Variants in CMKLR1 observed in about 807,000 individuals in gnomAD.
CMKLR1 encodes chemerin-like receptor 1.
In CMKLR1, 6 loss-of-function variants were observed where a neutral mutation model predicts 8.2. The ratio of observed to expected loss-of-function variants is 0.73; its 90% CI spans 0.40 to 1.44. CMKLR1 has a LOEUF of 1.44. Ranked by LOEUF, CMKLR1 falls within the 40% of genes most tolerant of loss-of-function variation. The pLI is 0.02. For synonymous variants in CMKLR1, 178 were observed against 181.2 expected (o/e 0.98, Z 0.14); for missense variants, 429 against 478.0 (o/e 0.90, Z 0.96).
intron 2 of CMKLR1, among the ~76,000 whole-genome samples, chr12:108,320,953 C>A (rs1417345943): frequency 6.6e-6 from 1 of 152,222 alleles, no homozygotes; most frequent in Non-Finnish European, 1.5e-5. Context: ...TAGTCTGGGT[C>A]CTCTTCACTA....
intron 2 of CMKLR1, among the ~76,000 whole-genome samples, chr12:108,326,997 C>A (rs1352582203): frequency 6.6e-6 from 1 of 151,812 alleles, no homozygotes; most frequent in African/African-American, 2.4e-5. Flanking sequence ...AAAACTGAGG[C>A]TGAGAGAGAG....
rs989973602 is a variant in CMKLR1, at chr12:108,288,720, A to G, written c.*3121T>C. On this transcript the variant is annotated 3_prime_UTR_variant, in exon 4 of 4. Transcript: ENST00000550402. Reference sequence around the variant, plus strand: ...TTGCTGGCTCAAGGGTCAGCTGGAGATGGTTCTGAAATCAAATTCCTCCCA... The same window carrying G: ...TTGCTGGCTCAAGGGTCAGCTGGAGGTGGTTCTGAAATCAAATTCCTCCCA... 4 of 152,020 alleles carry G rather than the reference A, an allele frequency of 2.6e-5. No individual in the cohort carries two copies. The highest frequency in any genetic ancestry group is 9.7e-5 in the African/African-American group (4 of 41,334). The allele number at this position is 152,020 out of a possible 1,614,324, so 9.4% of individuals were successfully genotyped here.
At chr12:108,310,920 C>T (rs760281547) in intron 2 of CMKLR1, among the ~76,000 whole-genome samples, 2 of 152,068 alleles carry the variant, frequency 1.3e-5, no homozygotes, top group Non-Finnish European at 1.5e-5. Context: ...TCCCAGGACA[C>T]GTGTGTGAGG....
At position 108,289,662 on chromosome 12, in the gene CMKLR1, G is replaced by A. The variant is rs1384061714; in HGVS notation, c.*2179C>T. The A allele has an allele frequency of 1.3e-5, 2 of 152,266 alleles. No homozygotes were observed. The highest frequency in any genetic ancestry group is 4.8e-5 in the African/African-American group (2 of 41,460). The allele number at this position is 152,266 out of a possible 1,614,324, so 9.4% of individuals were successfully genotyped here. On this transcript the variant is annotated 3_prime_UTR_variant, in exon 4 of 4. Coordinates refer to ENST00000550402, the MANE Select transcript of CMKLR1 (RefSeq NM_001142343.2). ...CATCCCATCTCGTGCCTCAGTAAAT[G>A]TGGGAAGAGGGGAGATGGGGGCCAC...
chr12:108,296,977 G>C (rs1891154488), intron 2 of CMKLR1, among the ~76,000 whole-genome samples: 2 of 152,200 alleles, frequency 1.3e-5, no homozygotes, highest in South Asian at 4.1e-4. Context: ...ATTATAAAGA[G>C]CTGTAAAATT....
In CMKLR1 at chr12:108,297,531, G is replaced by A. The variant is rs148096325; in HGVS notation, c.-73-3867C>T. Among the ~76,000 whole-genome samples, 1,194 of 152,216 alleles carry A rather than the reference G, an allele frequency of 7.8e-3. 8 individuals carry two copies. Among genetic ancestry groups the A allele is most frequent in the Non-Finnish European group, 0.012 (790 of 68,002 alleles). On this transcript the variant is annotated intron_variant, in intron 2 of 3. Transcript: ENST00000550402. The stretch of plus-strand genomic sequence containing the variant: ...TAATATGTACATACATATAGTTAAC[G>A]TTTGCTTGATCTCTCACTGTATGTG...
chr12:108,310,331 C>T (rs773958973), intron 2 of CMKLR1, among the ~76,000 whole-genome samples: 45 of 152,074 alleles, frequency 3.0e-4, no homozygotes, highest in Non-Finnish European at 5.3e-4. Flanking sequence ...AGGGTATCAT[C>T]CTTCTAAAAA....
chr12:108,335,919 A>T (rs566040830), intron 1 of CMKLR1, among the ~76,000 whole-genome samples: 4 of 152,340 alleles, frequency 2.6e-5, no homozygotes, highest in African/African-American at 9.6e-5. Flanking sequence ...ATGCTGGGGG[A>T]TTGCTAACAC....
intron 2 of CMKLR1, among the ~76,000 whole-genome samples, chr12:108,303,359 TCTC>T (rs1401951205): frequency 6.6e-6 from 1 of 152,146 alleles, no homozygotes; most frequent in African/African-American, 2.4e-5. Flanking sequence ...ACATCTGGCT[TCTC>T]CTGCCATGCA....
At chr12:108,307,834 C>T (rs1040740185) in intron 2 of CMKLR1, among the ~76,000 whole-genome samples, 1 of 152,204 alleles carries the variant, frequency 6.6e-6, no homozygotes, top group Admixed American at 6.5e-5. Context: ...CTGCTCTCCA[C>T]ACCTCCAAGT....
chr12:108,291,985 G>A lies in CMKLR1; in HGVS notation c.978C>T (p.Phe326=). 6.2e-7 allele frequency: 1 copy of A among 1,614,158 alleles called. No individual in the cohort carries two copies. The highest frequency in any genetic ancestry group is 8.5e-7 in the Non-Finnish European group (1 of 1,180,038). Residue 326 remains phenylalanine (F), a synonymous_variant, in exon 4 of 4, where the codon TTC becomes TTT. Transcript: ENST00000550402. ...CCAGGCGAGAGAAGAGGGCCACCTT[G>A]AACTTCTTGAAGTCCTGACCCATGA... The part of the protein sequence containing the change: ...YVFMGQDFKK[F]KVALFSRLVN...
intron 2 of CMKLR1, among the ~76,000 whole-genome samples, chr12:108,328,235 G>A (rs1892028154): frequency 2.0e-5 from 3 of 152,188 alleles, no homozygotes; most frequent in African/African-American, 7.2e-5. Flanking sequence ...AGTCGAAAGG[G>A]AAAAGCCTGG....
chr12:108,332,801 T>A (rs1312536576), intron 1 of CMKLR1, among the ~76,000 whole-genome samples: 1 of 152,072 alleles, frequency 6.6e-6, no homozygotes, highest in African/African-American at 2.4e-5. Flanking sequence ...CCCTGACTAA[T>A]ACATCCTGTC....
intron 1 of CMKLR1, among the ~76,000 whole-genome samples, chr12:108,336,932 A>G (rs1010135368): frequency 6.6e-6 from 1 of 152,236 alleles, no homozygotes; most frequent in African/African-American, 2.4e-5. Context: ...CTTATGAGGC[A>G]GTTACTGATC....
chr12:108,317,395 T>C (rs1330791657), intron 2 of CMKLR1, among the ~76,000 whole-genome samples: 1 of 152,174 alleles, frequency 6.6e-6, no homozygotes, highest in Admixed American at 6.5e-5. Flanking sequence ...GACATAGGTA[T>C]TGACTACCCA....
intron 2 of CMKLR1, among the ~76,000 whole-genome samples, chr12:108,298,839 C>T (rs894707303): frequency 2.6e-5 from 4 of 152,358 alleles, no homozygotes; most frequent in East Asian, 3.9e-4. Flanking sequence ...AAAGCCACTC[C>T]GCTCTTATCC....
intron 2 of CMKLR1, among the ~76,000 whole-genome samples, chr12:108,294,742 C>CT: frequency 6.6e-6 from 1 of 152,228 alleles, no homozygotes; most frequent in South Asian, 2.1e-4. Flanking sequence ...AGCCCATGCA[C>CT]TTTTTTCTGC....
intron 1 of CMKLR1, among the ~76,000 whole-genome samples, chr12:108,336,931 C>T (rs1892240237): frequency 6.6e-6 from 1 of 152,156 alleles, no homozygotes; most frequent in Non-Finnish European, 1.5e-5. Flanking sequence ...TCTTATGAGG[C>T]AGTTACTGAT....
At chr12:108,321,087 A>T (rs1055999098) in intron 2 of CMKLR1, among the ~76,000 whole-genome samples, 3 of 152,146 alleles carry the variant, frequency 2.0e-5, no homozygotes, top group African/African-American at 7.2e-5. Context: ...CGCAGAGCAC[A>T]ATGCTCACTC....
Sources: allele counts gnomAD v4.1 joint callset (sites outside exome capture counted in the v4.1 genomes callset), GRCh38; gene constraint gnomAD v4.1.1; transcripts MANE v1.5; gene names NCBI Gene and HGNC (gene_info 2026-07-23, HGNC 2026-07-21).